HOOK3: variants seen among roughly 807,000 people sequenced by gnomAD.
HOOK3 encodes hook microtubule tethering protein 3.
In HOOK3, 24 loss-of-function variants were observed where a neutral mutation model predicts 116.3. The ratio of observed to expected loss-of-function variants is 0.21; its 90% CI spans 0.15 to 0.29. HOOK3 has a LOEUF of 0.29. Ranked by LOEUF, HOOK3 falls within the 10% of genes least tolerant of loss-of-function variation. The pLI is 1.00. For synonymous variants in HOOK3, 275 were observed against 283.0 expected, an observed-to-expected ratio of 0.97 and a Z score of 0.28; for missense variants, 632 against 830.2, an observed-to-expected ratio of 0.76 and a Z score of 2.93.
At chr8:42,973,220 G>A (rs1808757807) in intron 11 of HOOK3, 69 bp from the exon 12 acceptor site, 2 of 1,514,760 alleles carry the variant, frequency 1.3e-6, no homozygotes, top group East Asian at 4.5e-5. Context: ...TCTTAAACCT[G>A]TAGAAGAAAA....
At chr8:42,962,362 A>G (rs1586611461) in intron 8 of HOOK3, among the ~76,000 whole-genome samples, 1 of 146,036 alleles carries the variant, frequency 6.8e-6, no homozygotes. Flanking sequence ...TTGGCCTCCC[A>G]AAGTGCTTGG....
intron 4 of HOOK3, among the ~76,000 whole-genome samples, chr8:42,937,007 A>C (rs1442094770): frequency 6.6e-6 from 1 of 152,154 alleles, no homozygotes; most frequent in Non-Finnish European, 1.5e-5. Context: ...TCAGCTGTGA[A>C]TCCATCTGGT....
rs1016079007 is a variant in HOOK3, at chr8:43,026,495, A to G, written c.*7997A>G. The G allele has an allele frequency of 6.6e-5, 14 of 210,886 alleles. No individual in the cohort carries two copies. Among genetic ancestry groups the G allele is most frequent in the African/African-American group, 3.2e-4 (14 of 44,188 alleles). The allele number at this position is 210,886 out of a possible 1,614,324, so 13.1% of individuals were successfully genotyped here. A position where few individuals can be genotyped will look rare whatever the true frequency, so the allele number is the denominator to read the frequency against. ...CTACTGGATATGAGTTACTTTTTACATGTCTCCTTAAGAAGACTCTTTTAT... is the reference window on the plus strand; with the variant it reads ...CTACTGGATATGAGTTACTTTTTACGTGTCTCCTTAAGAAGACTCTTTTAT... On this transcript the variant is annotated 3_prime_UTR_variant, in exon 22 of 22. Transcript: ENST00000307602.
In HOOK3 at chr8:43,006,338, G is replaced by A. The variant is rs565218341; in HGVS notation, c.1656-1509G>A. Among the ~76,000 whole-genome samples the A allele has an allele frequency of 4.5e-4, 67 of 150,440 alleles. 1 individual carries two copies. Among genetic ancestry groups the A allele is most frequent in the South Asian group, 4.2e-3 (20 of 4,748 alleles). On this transcript the variant is annotated intron_variant, in intron 17 of 21. Transcript: ENST00000307602. Reference sequence around the variant, plus strand: ...CCCAGCCTATTTATTTTTTTGAGACGGAGTCTCACTCTGTTGCCCAGGCTG... The same window carrying A: ...CCCAGCCTATTTATTTTTTTGAGACAGAGTCTCACTCTGTTGCCCAGGCTG...
intron 16 of HOOK3, among the ~76,000 whole-genome samples, chr8:42,998,509 A>G (rs1482080687): frequency 6.6e-6 from 1 of 152,176 alleles, no homozygotes; most frequent in Non-Finnish European, 1.5e-5. Flanking sequence ...CTTCAAAACT[A>G]TAGATGTAGC....
intron 5 of HOOK3, among the ~76,000 whole-genome samples, chr8:42,946,479 A>G (rs562448745): frequency 6.6e-6 from 1 of 152,300 alleles, no homozygotes; most frequent in African/African-American, 2.4e-5. Context: ...AAATGATGAC[A>G]GCACAGTATG....
chr8:42,938,526 G>A (rs1286195228), intron 4 of HOOK3, among the ~76,000 whole-genome samples: 1 of 152,036 alleles, frequency 6.6e-6, no homozygotes, highest in Non-Finnish European at 1.5e-5. Flanking sequence ...TGCAGTGGCT[G>A]GTACCAGTTT....
intron 7 of HOOK3, among the ~76,000 whole-genome samples, chr8:42,958,015 G>A (rs1302864459): frequency 2.0e-5 from 3 of 151,912 alleles, no homozygotes; most frequent in African/African-American, 7.3e-5. Flanking sequence ...TGTATTTTTA[G>A]TAGAGACGGG....
chr8:42,972,253 T>A (rs1337880889), intron 11 of HOOK3, among the ~76,000 whole-genome samples: 1 of 152,216 alleles, frequency 6.6e-6, no homozygotes, highest in Non-Finnish European at 1.5e-5. Flanking sequence ...TCAATATGTG[T>A]GTTTGTTTAT....
At chr8:42,930,510 A>G (rs1338377291) in intron 4 of HOOK3, among the ~76,000 whole-genome samples, 1 of 152,136 alleles carries the variant, frequency 6.6e-6, no homozygotes, top group Non-Finnish European at 1.5e-5. Context: ...TTCCTTGGCA[A>G]ACCCCCCACC....
At chr8:42,983,130 C>A (rs774160435) in intron 14 of HOOK3, among the ~76,000 whole-genome samples, 1 of 151,970 alleles carries the variant, frequency 6.6e-6, no homozygotes, top group Non-Finnish European at 1.5e-5. Context: ...GTCAGGAGAT[C>A]GAGACCATCC....
intron 13 of HOOK3, among the ~76,000 whole-genome samples, chr8:42,979,418 C>G (rs1808891315): frequency 6.6e-6 from 1 of 152,126 alleles, no homozygotes; most frequent in Non-Finnish European, 1.5e-5. Flanking sequence ...GGAAAAGAAC[C>G]ACACTTCGCT....
At chr8:42,909,476 T>C (rs1014559839) in intron 2 of HOOK3, among the ~76,000 whole-genome samples, 1 of 152,232 alleles carries the variant, frequency 6.6e-6, no homozygotes, top group African/African-American at 2.4e-5. Flanking sequence ...TATTAATTGA[T>C]TGATCGAGAC....
intron 1 of HOOK3, among the ~76,000 whole-genome samples, chr8:42,902,850 G>A (rs1202720288): frequency 6.6e-6 from 1 of 152,158 alleles, no homozygotes; most frequent in Non-Finnish European, 1.5e-5. Flanking sequence ...GTTCGTATCA[G>A]GCATTGTGCT....
chr8:42,981,663 C>T (rs775298277), intron 13 of HOOK3, among the ~76,000 whole-genome samples: 4 of 151,584 alleles, frequency 2.6e-5, no homozygotes, highest in East Asian at 2.0e-4. Flanking sequence ...GCGGGCAGAT[C>T]GCCTTAGGTC....
chr8:42,946,988 C>A (rs1808243195), intron 5 of HOOK3, among the ~76,000 whole-genome samples: 1 of 152,022 alleles, frequency 6.6e-6, no homozygotes, highest in Non-Finnish European at 1.5e-5. Context: ...TCAGGCTGGT[C>A]TCGAGCTCCT....
At chr8:42,997,517 C>A in intron 15 of HOOK3, 33 bp from the exon 16 acceptor site, 1 of 1,389,458 alleles carries the variant, frequency 7.2e-7, no homozygotes, top group Non-Finnish European at 1.0e-6. Flanking sequence ...CGTAACTCAC[C>A]ACTTGGAAAA....
rs771885944 is a variant in HOOK3 at position 42,906,150 on chromosome 8, C to CT, written c.58-23_58-22insT. 32 of 1,079,562 alleles carry CT rather than the reference C, an allele frequency of 3.0e-5. 2 individuals are homozygous for CT. In the African/African-American group the frequency reaches 4.9e-4, roughly 17 times the overall value. 66.9% of individuals were successfully genotyped at this position (1,079,562 alleles called of 1,614,324 possible). ...AGAGGTAACCACAGAATCTCTCCCC[C>CT]CCCCCTCTTTTTTTCCCTTCAGATC... is the stretch of plus-strand genomic sequence containing the variant. On this transcript the variant is annotated intron_variant, in intron 1 of 21. Coordinates refer to ENST00000307602, the MANE Select transcript of HOOK3 (RefSeq NM_032410.4).
intron 2 of HOOK3, among the ~76,000 whole-genome samples, chr8:42,923,562 A>T (rs927108285): frequency 6.6e-6 from 1 of 152,268 alleles, no homozygotes; most frequent in Non-Finnish European, 1.5e-5. Context: ...AGCCAGACAC[A>T]AAAGACCACA....
Sources: allele counts gnomAD v4.1 joint callset (sites outside exome capture counted in the v4.1 genomes callset), GRCh38; gene constraint gnomAD v4.1.1; transcripts MANE v1.5; gene names NCBI Gene and HGNC (gene_info 2026-07-23, HGNC 2026-07-21).